MIER2: variants seen among roughly 807,000 people sequenced by gnomAD.
The protein encoded by MIER2 is mesoderm induction early response protein 2.
In MIER2, 30 loss-of-function variants were observed where a neutral mutation model predicts 67.6. That is an observed-to-expected ratio of 0.44 (90% CI 0.33 to 0.60). MIER2 has a LOEUF of 0.60. Among genes scored for constraint, MIER2 ranks in the 20% least tolerant of loss-of-function variants. The probability of loss-of-function intolerance (pLI) is 0.02; values close to 1 mark genes in which losing one functional copy is unlikely to be tolerated. For synonymous variants in MIER2, 372 were observed against 312.6 expected (o/e 1.19, Z -2.00); for missense variants, 702 against 745.1 (o/e 0.94, Z 0.67).
chr19:336,320 G>A, intron 1 of MIER2, 147 bp from the exon 2 acceptor site: 2 of 654,174 alleles, frequency 3.1e-6, no homozygotes, highest in South Asian at 1.9e-5. Flanking sequence ...GAGGGCTGGG[G>A]GGCACTAGGA....
rs201514181 is a variant in MIER2 at position 327,892 on chromosome 19, G to A, written c.341C>T (p.Pro114Leu). Residue 114 changes from proline to leucine, a missense_variant, in exon 4 of 14, where the codon CCG becomes CTG. Pro to Leu is a moderately conservative substitution (Grantham distance 98, BLOSUM62 -3). This residue lies in a region of MIER2 where 320 missense variants were observed against 292.6 expected (regional missense o/e 1.09). Coordinates refer to ENST00000264819, the MANE Select transcript of MIER2 (RefSeq NM_017550.3). ...DRESEGGDVA[P>L]NLPDMTLDKE... ...GTCCAGGGTCATGTCTGGGAGGTTCGGGGCCACGTCACCACCCTCACTCTC... is the reference window on the plus strand; with the variant it reads ...GTCCAGGGTCATGTCTGGGAGGTTCAGGGCCACGTCACCACCCTCACTCTC... 78 of 1,612,366 alleles carry A rather than the reference G, an allele frequency of 4.8e-5. No homozygotes were observed. The highest frequency in any genetic ancestry group is 1.3e-4 in the Admixed American group (8 of 59,802).
At chr19:306,813 CT>C in intron 13 of MIER2, 102 bp from the exon 14 acceptor site, 1 of 1,529,650 alleles carries the variant, frequency 6.5e-7, no homozygotes, top group Non-Finnish European at 8.9e-7. Flanking sequence ...CCAGCCTTGC[CT>C]CCCCCACAGC....
At chr19:311,383 C>T (rs760892545) in intron 10 of MIER2, among the ~76,000 whole-genome samples, 12 of 152,202 alleles carry the variant, frequency 7.9e-5, no homozygotes, top group African/African-American at 1.2e-4. Context: ...CAGAAGGCCC[C>T]GGCACTTGGC....
Position 344,762 on chromosome 19 carries a change from C to G in MIER2, c.9+12G>C. ...GGGGCGGGGGGCCGGCTCCCCCGGC[C>G]CGCTCACTCACCTCCGCCATGGCCG... On this transcript the variant is annotated intron_variant, in intron 1 of 13. Coordinates refer to ENST00000264819, the MANE Select transcript of MIER2 (RefSeq NM_017550.3). The G allele has an allele frequency of 8.4e-7, 1 of 1,184,948 alleles. No individual in the cohort carries two copies. Among genetic ancestry groups the G allele is most frequent in the Non-Finnish European group, 1.0e-6 (1 of 957,744 alleles). 73.4% of individuals were successfully genotyped at this position (1,184,948 alleles called of 1,614,324 possible). A position where few individuals can be genotyped will look rare whatever the true frequency, so the allele number is the denominator to read the frequency against.
intron 12 of MIER2, among the ~76,000 whole-genome samples, chr19:307,908 T>C (rs58618055): frequency 9.1e-6 from 1 of 109,408 alleles, no homozygotes; most frequent in African/African-American, 5.5e-5. Context: ...TACAGGGTCT[T>C]TGGAAGTTTT....
chr19:310,639 A>AC (rs1344268335), intron 10 of MIER2, among the ~76,000 whole-genome samples: 4 of 126,660 alleles, frequency 3.2e-5, no homozygotes, highest in African/African-American at 1.1e-4. Flanking sequence ...CTATAGAAAC[A>AC]GCCCAGAGTC....
intron 1 of MIER2, among the ~76,000 whole-genome samples, chr19:338,355 G>A (rs1036268647): frequency 6.6e-6 from 1 of 151,926 alleles, no homozygotes; most frequent in African/African-American, 2.4e-5. Flanking sequence ...AATACAAAAA[G>A]AACAATTCCA....
chr19:328,021 G>A (rs2145483737), intron 3 of MIER2, 32 bp from the exon 4 acceptor site: 3 of 1,610,068 alleles, frequency 1.9e-6, no homozygotes, highest in Non-Finnish European at 2.5e-6. Flanking sequence ...GGCCCCATCA[G>A]GAGGGACGGC....
chr19:320,779 C>G (rs1347871373), intron 7 of MIER2, among the ~76,000 whole-genome samples: 1 of 152,198 alleles, frequency 6.6e-6, no homozygotes, highest in Non-Finnish European at 1.5e-5. Flanking sequence ...GAAACCAGTC[C>G]CTGGTGCCAA....
chr19:313,423 T>C lies in MIER2; in HGVS notation c.807+69A>G, dbSNP rs1600120058. 1.1e-5 allele frequency: 17 copies of C among 1,568,084 alleles called. No homozygotes were observed. The East Asian group carries it at 3.8e-4, about 35-fold the overall frequency. ...TGCCCTCCCTGGCCCCTGGAGGCACTGGGGTGTGAGCTCTGGCCCACGCCA... is the reference window on the plus strand; with the variant it reads ...TGCCCTCCCTGGCCCCTGGAGGCACCGGGGTGTGAGCTCTGGCCCACGCCA... On this transcript the variant is annotated intron_variant, in intron 8 of 13. Transcript: ENST00000264819.
intron 4 of MIER2, 146 bp from the exon 5 acceptor site, chr19:327,402 G>T (rs1016556554): frequency 4.1e-5 from 44 of 1,073,802 alleles, no homozygotes; most frequent in African/African-American, 3.8e-4. Context: ...TGCACAGCGT[G>T]GGGGGAGCGG....
intron 1 of MIER2, among the ~76,000 whole-genome samples, chr19:339,994 G>A (rs780150912): frequency 3.9e-5 from 6 of 151,960 alleles, no homozygotes; most frequent in Non-Finnish European, 5.9e-5. Context: ...CGGGAAAGCT[G>A]CTGCCAAAAA....
chr19:336,304 G>T, intron 1 of MIER2, 131 bp from the exon 2 acceptor site: 1 of 695,932 alleles, frequency 1.4e-6, no homozygotes, highest in Non-Finnish European at 2.4e-6. Context: ...CTTTGTCTCC[G>T]CCTCTGAGGG....
rs1970751609 is a variant in MIER2, at chr19:308,188, A to G, written c.1198+389T>C. ...TGTGCTCCGTCATGGCCTCAGGTGC[A>G]AGATCCTGGCGACGGCTCCGGACAC... On this transcript the variant is annotated intron_variant, in intron 12 of 13. Transcript: ENST00000264819. This position sits in a 1 kb window ranked among gnomAD's most constrained non-coding sequence, Gnocchi z 9.1. 6.6e-6 allele frequency among the ~76,000 whole-genome samples: 1 copy of G among 152,152 alleles called. No individual in the cohort carries two copies. The highest frequency in any genetic ancestry group is 1.5e-5 in the Non-Finnish European group (1 of 67,988).
chr19:326,098 G>A (rs774978486), intron 6 of MIER2, among the ~76,000 whole-genome samples: 15 of 152,362 alleles, frequency 9.8e-5, no homozygotes, highest in Admixed American at 2.0e-4. Flanking sequence ...ACCCGGCTGC[G>A]GTTACTGAGG....
intron 1 of MIER2, chr19:343,880 C>CAAAATCA: frequency 4.1e-6 from 4 of 985,328 alleles, no homozygotes; most frequent in African/African-American, 1.7e-5. Flanking sequence ...TCCACCACTC[C>CAAAATCA]AAAATCAAAA....
rs1971106250 is a variant in MIER2 at position 313,501 on chromosome 19, G to A, written c.798C>T (p.Asp266=). 1 of 1,611,932 alleles carries A rather than the reference G, an allele frequency of 6.2e-7. No individual in the cohort carries two copies. The highest frequency in any genetic ancestry group is 8.5e-7 in the Non-Finnish European group (1 of 1,179,776). The change falls in exon 8 of 14, where the codon GAC becomes GAT. Residue 266 remains aspartate (D), a synonymous_variant. Coordinates refer to ENST00000264819, the MANE Select transcript of MIER2 (RefSeq NM_017550.3). ...GCATGGCAGCCCCCACCTGCTCACTGTCTTTCACGGCTTCTCCCTCTGGGA... is the reference window on the plus strand; with the variant it reads ...GCATGGCAGCCCCCACCTGCTCACTATCTTTCACGGCTTCTCCCTCTGGGA... ...PQLPEGEAVK[D]SEQALYELVK...
chr19:331,171 C>T (rs1039798236), intron 3 of MIER2, among the ~76,000 whole-genome samples: 1 of 151,830 alleles, frequency 6.6e-6, no homozygotes, highest in Non-Finnish European at 1.5e-5. Flanking sequence ...ACCAGCCTGG[C>T]CAACATGGTA....
rs966704264 is a variant in MIER2, at chr19:307,617, T to C, written c.1199-81A>G. 4.4e-6 allele frequency: 6 copies of C among 1,369,678 alleles called. No homozygotes were observed. In the African/African-American group the frequency reaches 7.3e-5, roughly 17 times the overall value. The allele number at this position is 1,369,678 out of a possible 1,614,324, so 84.8% of individuals were successfully genotyped here. On this transcript the variant is annotated intron_variant, in intron 12 of 13. Transcript: ENST00000264819. ...CAGGCTCCTGCCTAACTTTGCTGGG[T>C]CCAGCAAAGCCTGTGGATCCCTCCC...
Sources: allele counts gnomAD v4.1 joint callset (sites outside exome capture counted in the v4.1 genomes callset), GRCh38; gene constraint gnomAD v4.1.1; regional missense constraint gnomAD v4.1.1; non-coding constraint Gnocchi (gnomAD v3.1); transcripts MANE v1.5; gene names NCBI Gene and HGNC (gene_info 2026-07-23, HGNC 2026-07-21).